EMCN: variants seen among roughly 807,000 people sequenced by gnomAD.
EMCN encodes the protein MUC-14.
EMCN carries 37 observed loss-of-function variants against 38.4 expected under a neutral mutation model. The ratio of observed to expected loss-of-function variants is 0.96; its 90% CI spans 0.74 to 1.27. The LOEUF (loss-of-function observed/expected upper bound fraction) is 1.27, where lower values mean the gene tolerates loss of function less well. Ranked by LOEUF, EMCN falls within the 50% of genes most tolerant of loss-of-function variation. The pLI, the probability that EMCN is intolerant of heterozygous loss-of-function variation, is 0.00. For missense variants in EMCN, 318 were observed against 302.8 expected (o/e 1.05, Z -0.37); for synonymous variants, 95 against 100.8 (o/e 0.94, Z 0.35).
chr4:100,437,921 T>A (rs1303090079), intron 5 of EMCN, among the ~76,000 whole-genome samples: 3 of 152,142 alleles, frequency 2.0e-5, no homozygotes, highest in Non-Finnish European at 4.4e-5. Flanking sequence ...GAATGTTTTT[T>A]TATTTCTGTG....
intron 9 of EMCN, 126 bp from the exon 10 acceptor site, chr4:100,416,085 T>C (rs1726723272): frequency 1.9e-6 from 1 of 514,724 alleles, no homozygotes; most frequent in African/African-American, 2.1e-5. Context: ...TGTGTGTATA[T>C]ATATACGTGT....
chr4:100,421,347 A>G lies in EMCN; in HGVS notation c.599T>C (p.Ile200Thr). Residue 200 changes from isoleucine to threonine, a missense_variant, in exon 8 of 12, where the codon ATT becomes ACT. Coordinates refer to ENST00000296420, the MANE Select transcript of EMCN (RefSeq NM_016242.4). ...AACAAATACTGAAAGTGTTATTACAATCAAAGCAATAACCACCGGCAAAAT... is the reference window on the plus strand; with the variant it reads ...AACAAATACTGAAAGTGTTATTACAGTCAAAGCAATAACCACCGGCAAAAT... ...SIILPVVIAL[I>T]VITLSVFVLV... 6.2e-7 allele frequency: 1 copy of G among 1,612,836 alleles called. No homozygotes were observed. The highest frequency in any genetic ancestry group is 8.5e-7 in the Non-Finnish European group (1 of 1,179,080).
chr4:100,402,126 C>A (rs1266054702), intron 11 of EMCN, among the ~76,000 whole-genome samples: 1 of 151,944 alleles, frequency 6.6e-6, no homozygotes, highest in Non-Finnish European at 1.5e-5. Context: ...GTATTTGCTA[C>A]CCCTCTTGTA....
At chr4:100,499,270 C>G (rs1729288722) in intron 1 of EMCN, among the ~76,000 whole-genome samples, 1 of 151,990 alleles carries the variant, frequency 6.6e-6, no homozygotes, top group South Asian at 2.1e-4. Flanking sequence ...TAACATTTAC[C>G]ACTTTGACTG....
At chr4:100,410,112 T>G (rs1726510318) in intron 11 of EMCN, among the ~76,000 whole-genome samples, 170 bp downstream of exon 11, 1 of 152,226 alleles carries the variant, frequency 6.6e-6, no homozygotes, top group Non-Finnish European at 1.5e-5. Context: ...CATTCATTTT[T>G]TGGCAATTTT....
intron 1 of EMCN, among the ~76,000 whole-genome samples, chr4:100,497,432 A>G (rs1248579562): frequency 2.6e-5 from 4 of 151,808 alleles, no homozygotes; most frequent in African/African-American, 9.7e-5. Context: ...GCTGGAGTGC[A>G]GTAGCCCAAT....
At chr4:100,452,018 G>A (rs373169677) in intron 4 of EMCN, among the ~76,000 whole-genome samples, 11 of 151,868 alleles carry the variant, frequency 7.2e-5, no homozygotes, top group Non-Finnish European at 1.6e-4. Flanking sequence ...TTTTTTGAAC[G>A]TAAGCAATCA....
intron 1 of EMCN, among the ~76,000 whole-genome samples, chr4:100,487,216 G>A (rs1728964943): frequency 6.6e-6 from 1 of 152,166 alleles, no homozygotes; most frequent in Non-Finnish European, 1.5e-5. Context: ...TTCCAACGAA[G>A]TAAGATGCTG....
rs371556433 is a variant in EMCN at position 100,417,116 on chromosome 4, C to T, written c.689+1G>A. On this transcript the variant is annotated splice_donor_variant, in intron 9 of 11. Transcript: ENST00000296420. LOFTEE classifies it high-confidence loss of function. ...ACAAAAGATGATATGGGCTTACTTA[C>T]TGATCATTTCCATTTTCTGGTGTGC... 6.2e-7 allele frequency: 1 copy of T among 1,613,520 alleles called. No homozygotes were observed. Among genetic ancestry groups the T allele is most frequent in the Non-Finnish European group, 8.5e-7 (1 of 1,179,670 alleles).
chr4:100,467,661 G>T (rs953937015), intron 3 of EMCN, among the ~76,000 whole-genome samples: 8 of 118,926 alleles, frequency 6.7e-5, no homozygotes, highest in Non-Finnish European at 1.3e-4. Context: ...CAGCTTGGGC[G>T]AAAGAGTGAG....
At chr4:100,416,903 A>T (rs41275725) in intron 9 of EMCN, among the ~76,000 whole-genome samples, 2,710 of 152,196 alleles carry the variant, frequency 0.018, 40 homozygotes, top group Non-Finnish European at 0.029. Context: ...TTTCCATTTC[A>T]TCTTTTTATT....
At chr4:100,482,907 A>G (rs17625100) in intron 1 of EMCN, among the ~76,000 whole-genome samples, 3,918 of 152,272 alleles carry the variant, frequency 0.026, 69 homozygotes, top group Non-Finnish European at 0.041. Flanking sequence ...TATGAAAACT[A>G]CAATTAAGTG....
intron 5 of EMCN, among the ~76,000 whole-genome samples, chr4:100,441,405 A>C (rs1727512998): frequency 6.6e-6 from 1 of 152,166 alleles, no homozygotes; most frequent in Non-Finnish European, 1.5e-5. Flanking sequence ...CTTAAAGCTT[A>C]ACTGGGTGTC....
chr4:100,482,575 C>A (rs1382590723), intron 1 of EMCN, among the ~76,000 whole-genome samples: 1 of 152,042 alleles, frequency 6.6e-6, no homozygotes, highest in Non-Finnish European at 1.5e-5. Context: ...CAGAGTACTG[C>A]AAACAGTTCT....
At chr4:100,426,973 T>C (rs1054626565) in intron 5 of EMCN, among the ~76,000 whole-genome samples, 1 of 152,142 alleles carries the variant, frequency 6.6e-6, no homozygotes, top group Admixed American at 6.5e-5. Flanking sequence ...GCTATCCTTC[T>C]TTATTCTGTG....
At chr4:100,512,308 C>A (rs1358251083) in intron 1 of EMCN, among the ~76,000 whole-genome samples, 10 of 152,090 alleles carry the variant, frequency 6.6e-5, no homozygotes, top group Admixed American at 5.9e-4. Context: ...AATTTGGGAA[C>A]CATATAGTGC....
At chr4:100,475,512 T>G (rs182518618) in intron 2 of EMCN, among the ~76,000 whole-genome samples, 5 of 151,888 alleles carry the variant, frequency 3.3e-5, no homozygotes, top group Non-Finnish European at 7.4e-5. Flanking sequence ...CTTTTTTTTT[T>G]CTAGAATTAC....
At chr4:100,473,516 C>A (rs1371617851) in intron 3 of EMCN, among the ~76,000 whole-genome samples, 1 of 151,430 alleles carries the variant, frequency 6.6e-6, no homozygotes, top group African/African-American at 2.4e-5. Context: ...GAAGCGCAGA[C>A]AACTCACGAT....
At chr4:100,461,493 A>AT (rs1272850178) in intron 4 of EMCN, among the ~76,000 whole-genome samples, 2 of 152,152 alleles carry the variant, frequency 1.3e-5, no homozygotes, top group Non-Finnish European at 2.9e-5. Flanking sequence ...CCTCTGAAAG[A>AT]TTTTTAGTAA....
Sources: gnomAD v4.1 joint callset for allele counts (sites outside exome capture counted in the v4.1 genomes callset) on GRCh38, gnomAD v4.1.1 for gene constraint, MANE v1.5 for transcripts, NCBI Gene and HGNC (gene_info 2026-07-23, HGNC 2026-07-21) for gene names.